The following PIEZO2 variants were observed in gnomAD, a reference collection of about 807,000 sequenced individuals.
PIEZO2 encodes piezo type mechanosensitive ion channel component 2.
A neutral mutation model predicts 337.3 loss-of-function variants in PIEZO2; 172 were observed. That is an observed-to-expected ratio of 0.51 (90% CI 0.45 to 0.58). The LOEUF (loss-of-function observed/expected upper bound fraction) is 0.58. PIEZO2 is among the 20% of genes least tolerant of loss of function. PIEZO2 has a pLI of 0.00. For synonymous variants in PIEZO2, 1,251 were observed against 1,228.5 expected (o/e 1.02, Z -0.38); for missense variants, 3,028 against 3,391.3 (o/e 0.89, Z 2.66).
rs1431102679 is a variant in PIEZO2 at position 10,824,328 on chromosome 18, G to A, written c.918-17054C>T. ...GGCCTTCAAGACCTTAATATTTGCA[G>A]AGCCTTGGTTTCCCATCTGCAGCTT... On this transcript the variant is annotated intron_variant, in intron 7 of 55. Coordinates refer to ENST00000674853, the MANE Select transcript of PIEZO2 (RefSeq NM_001378183.1). The surrounding 1 kb of genome is among the most constrained non-coding windows in gnomAD (Gnocchi z 4.4). Among the ~76,000 whole-genome samples the A allele has an allele frequency of 1.3e-5, 2 of 152,194 alleles. No individual in the cohort carries two copies. Among genetic ancestry groups the A allele is most frequent in the African/African-American group, 4.8e-5 (2 of 41,462 alleles).
At chr18:10,957,968 C>A (rs1339724954) in intron 3 of PIEZO2, among the ~76,000 whole-genome samples, 2 of 152,122 alleles carry the variant, frequency 1.3e-5, no homozygotes, top group Non-Finnish European at 2.9e-5. Flanking sequence ...TGAGACACCA[C>A]TTCATGCCTG....
At chr18:11,055,396 A>G (rs2037693226) in intron 2 of PIEZO2, among the ~76,000 whole-genome samples, 1 of 152,172 alleles carries the variant, frequency 6.6e-6, no homozygotes, top group African/African-American at 2.4e-5. Flanking sequence ...CAAGAAAAAT[A>G]AAACCTGCTC....
Position 10,982,604 on chromosome 18 carries a change from A to G in PIEZO2, c.161-2944T>C, listed in dbSNP as rs1270425915. Among the ~76,000 whole-genome samples the G allele has an allele frequency of 2.0e-5, 3 of 152,250 alleles. No individual in the cohort carries two copies. Among genetic ancestry groups the G allele is most frequent in the Admixed American group, 6.5e-5 (1 of 15,280 alleles). On this transcript the variant is annotated intron_variant, in intron 2 of 55. Transcript: ENST00000674853. The surrounding 1 kb of genome is among the most constrained non-coding windows in gnomAD (Gnocchi z 4.1). ...ATTTCAACAAACATTTTAAAAATAC[A>G]TTTGGAAAAATAAGACTGAATTGCC...
intron 1 of PIEZO2, among the ~76,000 whole-genome samples, chr18:11,106,610 C>T (rs1218231625): frequency 6.6e-6 from 1 of 151,892 alleles, no homozygotes; most frequent in African/African-American, 2.4e-5. Flanking sequence ...GAAGAGGTCT[C>T]ATTATGGTGC....
Position 10,815,370 on chromosome 18 carries a change from A to T in PIEZO2, c.918-8096T>A, listed in dbSNP as rs2040331848. Among the ~76,000 whole-genome samples the T allele has an allele frequency of 6.6e-6, 1 of 152,200 alleles. No homozygotes were observed. Among genetic ancestry groups the T allele is most frequent in the African/African-American group, 2.4e-5 (1 of 41,454 alleles). ...TTACCTACGTGACCCTGAGTAGGACATTTAACCACTTTAAGCCTCAATTTC... is the reference window on the plus strand; with the variant it reads ...TTACCTACGTGACCCTGAGTAGGACTTTTAACCACTTTAAGCCTCAATTTC... On this transcript the variant is annotated intron_variant, in intron 7 of 55. Coordinates refer to ENST00000674853, the MANE Select transcript of PIEZO2 (RefSeq NM_001378183.1). The surrounding 1 kb of genome is among the most constrained non-coding windows in gnomAD (Gnocchi z 4.1).
chr18:10,799,463 C>T (rs1057077460), intron 11 of PIEZO2, among the ~76,000 whole-genome samples: 2 of 152,174 alleles, frequency 1.3e-5, no homozygotes, highest in Non-Finnish European at 2.9e-5. Context: ...GTCAGAGGTG[C>T]AGCTTTTTAA....
intron 2 of PIEZO2, among the ~76,000 whole-genome samples, chr18:11,045,901 C>T (rs1193716493): frequency 6.6e-6 from 1 of 152,192 alleles, no homozygotes; most frequent in Non-Finnish European, 1.5e-5. Context: ...ATGAATCACT[C>T]AACCCACACT....
intron 3 of PIEZO2, among the ~76,000 whole-genome samples, chr18:10,972,302 T>A (rs555439637): frequency 6.6e-6 from 1 of 152,150 alleles, no homozygotes; most frequent in Non-Finnish European, 1.5e-5. Context: ...AGTTCTACAA[T>A]GTAGGAAAGG....
intron 8 of PIEZO2, among the ~76,000 whole-genome samples, chr18:10,805,668 T>A (rs2039979582): frequency 6.6e-6 from 1 of 152,230 alleles, no homozygotes; most frequent in African/African-American, 2.4e-5. Context: ...AAGAAAAATA[T>A]AACACAACAT....
At chr18:10,811,098 C>T (rs919347574) in intron 7 of PIEZO2, among the ~76,000 whole-genome samples, 5 of 152,088 alleles carry the variant, frequency 3.3e-5, no homozygotes, top group Non-Finnish European at 5.9e-5. Context: ...TAATATTCAC[C>T]AATACCCTGA....
In PIEZO2 at chr18:11,096,591, T is replaced by G. The variant is rs1354799840; in HGVS notation, c.65-30369A>C. Among the ~76,000 whole-genome samples the G allele has an allele frequency of 6.6e-6, 1 of 152,190 alleles. No individual in the cohort carries two copies. ...GATTTCCAAGAGAAACAGGAAGTGGTTGACCTTTAAATTTCTCAGATTTAT... is the reference window on the plus strand; with the variant it reads ...GATTTCCAAGAGAAACAGGAAGTGGGTGACCTTTAAATTTCTCAGATTTAT... On this transcript the variant is annotated intron_variant, in intron 1 of 55. Transcript: ENST00000674853. The surrounding 1 kb of genome is among the most constrained non-coding windows in gnomAD (Gnocchi z 4.6).
rs1196873486 is a variant in PIEZO2 at position 10,859,843 on chromosome 18, G to T, written c.493-2632C>A. Among the ~76,000 whole-genome samples the T allele has an allele frequency of 6.6e-6, 1 of 152,182 alleles. No individual in the cohort carries two copies. The highest frequency in any genetic ancestry group is 2.4e-5 in the African/African-American group (1 of 41,438). On this transcript the variant is annotated intron_variant, in intron 5 of 55. Transcript: ENST00000674853. The surrounding 1 kb of genome is among the most constrained non-coding windows in gnomAD (Gnocchi z 4.9). Reference sequence around the variant, plus strand: ...TGGGGCGGAGCAGAGGGAGGCAGCAGCGGGGAGGTGGTGGCTGTGCTGGAG... The same window carrying T: ...TGGGGCGGAGCAGAGGGAGGCAGCATCGGGGAGGTGGTGGCTGTGCTGGAG...
intron 4 of PIEZO2, among the ~76,000 whole-genome samples, chr18:10,873,078 A>C (rs996761792): frequency 1.3e-5 from 2 of 152,198 alleles, no homozygotes; most frequent in African/African-American, 4.8e-5. Context: ...TATGCACTTT[A>C]AGTGATTACA....
intron 2 of PIEZO2, among the ~76,000 whole-genome samples, chr18:10,996,224 A>G (rs957574419): frequency 6.6e-6 from 1 of 152,232 alleles, no homozygotes; most frequent in African/African-American, 2.4e-5. Flanking sequence ...TGAAGAGAAC[A>G]AGACCCTCAG....
rs1178872850 is a variant in PIEZO2, at chr18:10,900,993, GAAAGA to G, written c.329+10188_329+10192del. ...CTTCATGCAACAATGTTTTTCAAAT[GAAAGA>G]AAAGAATAGAAAAAAGATTTATTAA... On this transcript the variant is annotated intron_variant, in intron 4 of 55. Transcript: ENST00000674853. Among the ~76,000 whole-genome samples, 16 of 152,128 alleles carry G rather than the reference GAAAGA, an allele frequency of 1.1e-4. No homozygotes were observed. The East Asian group carries it at 1.9e-3, about 18-fold the overall frequency.
intron 35 of PIEZO2, among the ~76,000 whole-genome samples, chr18:10,732,915 G>C (rs918990338): frequency 6.6e-6 from 1 of 152,144 alleles, no homozygotes; most frequent in Non-Finnish European, 1.5e-5. Flanking sequence ...AGCAACATAT[G>C]GTGACATTTC....
chr18:10,814,007 G>T (rs916440707), intron 7 of PIEZO2, among the ~76,000 whole-genome samples: 3 of 151,314 alleles, frequency 2.0e-5, no homozygotes, highest in Non-Finnish European at 4.4e-5. Flanking sequence ...TTGCTCTGTG[G>T]CCCAGGCTGG....
intron 14 of PIEZO2, 75 bp from the exon 15 acceptor site, chr18:10,789,440 T>C (rs931197366): frequency 1.4e-6 from 2 of 1,441,480 alleles, no homozygotes; most frequent in African/African-American, 2.9e-5. Context: ...GTGATAGGTA[T>C]AGGATGTAGA....
chr18:10,937,330 G>A (rs752558153), intron 3 of PIEZO2, among the ~76,000 whole-genome samples: 1 of 152,094 alleles, frequency 6.6e-6, no homozygotes, highest in Non-Finnish European at 1.5e-5. Context: ...CTTAACTGGG[G>A]CATCCTAAAC....
Sources: gnomAD v4.1 joint callset for allele counts (sites outside exome capture counted in the v4.1 genomes callset) on GRCh38, gnomAD v4.1.1 for gene constraint, Gnocchi (gnomAD v3.1) non-coding constraint, MANE v1.5 for transcripts, NCBI Gene and HGNC (gene_info 2026-07-23, HGNC 2026-07-21) for gene names.